The following FANCB variants were observed in gnomAD, a reference collection of about 807,000 sequenced individuals.
FANCB encodes the protein Fanconi anemia group B protein.
FANCB carries 5 observed loss-of-function variants against 38.9 expected under a neutral mutation model. The observed-to-expected ratio is 0.13, with a 90% CI of 0.07 to 0.27. The LOEUF is 0.27. FANCB is among the 10% of genes least tolerant of loss of function. The pLI, the probability that FANCB is intolerant of heterozygous loss-of-function variation, is 1.00. For missense variants in FANCB, 573 were observed against 602.7 expected (o/e 0.95, Z 0.52); for synonymous variants, 236 against 215.4 (o/e 1.10, Z -0.84).
intron 7 of FANCB, among the ~76,000 whole-genome samples, chrX:14,845,987 A>G (rs752609711): frequency 1.8e-5 from 2 of 111,963 alleles, no homozygotes; most frequent in Non-Finnish European, 3.8e-5. Context: ...CTCCTTTAAT[A>G]CAGGAATTTG....
intron 10 of FANCB, among the ~76,000 whole-genome samples, chrX:14,836,754 G>A (rs774308470): frequency 1.8e-5 from 2 of 111,341 alleles, no homozygotes; most frequent in African/African-American, 3.3e-5. Context: ...TCTTACAACC[G>A]CCCCCAACAT....
the FANCB span, among the ~76,000 whole-genome samples, chrX:14,709,505 A>G: frequency 8.9e-6 from 1 of 112,297 alleles, no homozygotes; most frequent in African/African-American, 3.2e-5. Flanking sequence ...TTGGAAATGC[A>G]CTACAGATAC....
chrX:14,697,441 T>G, the FANCB span, among the ~76,000 whole-genome samples: 2 of 111,963 alleles, frequency 1.8e-5, no homozygotes, highest in African/African-American at 6.5e-5. Flanking sequence ...GTGAACGAGT[T>G]CTCACCTTAA....
chrX:14,743,709 C>T, the FANCB span, among the ~76,000 whole-genome samples: 1 of 110,395 alleles, frequency 9.1e-6, no homozygotes, highest in African/African-American at 3.3e-5. Context: ...TATTCTCTCA[C>T]AATCCTGAAA....
At chrX:14,763,794 T>C in the FANCB span, among the ~76,000 whole-genome samples, 6 of 112,008 alleles carry the variant, frequency 5.4e-5, no homozygotes, top group Middle Eastern at 9.3e-3. Flanking sequence ...TAGCTCATCA[T>C]GCTGTGTGTT....
the FANCB span, among the ~76,000 whole-genome samples, chrX:14,819,560 A>T: frequency 9.0e-6 from 1 of 111,503 alleles, no homozygotes; most frequent in Non-Finnish European, 1.9e-5. Flanking sequence ...ACCTCAGAGG[A>T]ACCTGGTTTT....
the FANCB span, among the ~76,000 whole-genome samples, chrX:14,741,360 T>C: frequency 8.9e-6 from 1 of 111,857 alleles, no homozygotes; most frequent in African/African-American, 3.2e-5. Flanking sequence ...CACTGTAGTT[T>C]CAATGACTTT....
Position 14,843,458 on chromosome X carries a change from C to T in FANCB, c.*109G>A, listed in dbSNP as rs2092361239. The T allele has an allele frequency of 1.9e-6, 1 of 526,470 alleles. No homozygotes were observed. The highest frequency in any genetic ancestry group is 3.0e-6 in the Non-Finnish European group (1 of 328,047). 43.4% of individuals were successfully genotyped at this position (526,470 alleles called of 1,213,427 possible). ...ATCATCAAAACTAAAGTTTCTACTACAGTAAGCCTCGGTGTTTATTTTTAC... is the reference window on the plus strand; with the variant it reads ...ATCATCAAAACTAAAGTTTCTACTATAGTAAGCCTCGGTGTTTATTTTTAC... On this transcript the variant is annotated 3_prime_UTR_variant, in exon 10 of 10. Coordinates refer to ENST00000650831, the MANE Select transcript of FANCB (RefSeq NM_001018113.3).
At chrX:14,724,626 C>CAAAAAAAAAAAAAAAAAAAAAAAAAA in the FANCB span, among the ~76,000 whole-genome samples, 2 of 49,617 alleles carry the variant, frequency 4.0e-5, no homozygotes, top group African/African-American at 1.7e-4. Context: ...AACTCTGTCT[C>CAAAAAAAAAAAAAAAAAAAAAAAAAA]AAAAAAAAAA....
At chrX:14,799,930 T>TAATTTCC in the FANCB span, among the ~76,000 whole-genome samples, 1 of 111,974 alleles carries the variant, frequency 8.9e-6, no homozygotes, top group Non-Finnish European at 1.9e-5. Context: ...CAAAGTATGG[T>TAATTTCC]AAGTGTTGTC....
intron 5 of FANCB, among the ~76,000 whole-genome samples, chrX:14,857,502 AGT>A (rs981502630): frequency 2.7e-5 from 3 of 111,712 alleles, no homozygotes; most frequent in African/African-American, 9.8e-5. Context: ...AAAATATGAG[AGT>A]AAACTGTTCA....
At chrX:14,817,377 A>G in the FANCB span, among the ~76,000 whole-genome samples, 1 of 111,675 alleles carries the variant, frequency 9.0e-6, no homozygotes, top group African/African-American at 3.3e-5. Flanking sequence ...CGAAATGACC[A>G]ATTTCAGACA....
chrX:14,796,714 A>C, the FANCB span, among the ~76,000 whole-genome samples: 1 of 103,553 alleles, frequency 9.7e-6, no homozygotes, highest in South Asian at 4.2e-4. Flanking sequence ...ACACACACAC[A>C]CACATATACA....
downstream of FANCB, among the ~76,000 whole-genome samples, chrX:14,838,627 TG>T (rs370160785): frequency 1.0e-5 from 1 of 97,258 alleles, no homozygotes; most frequent in African/African-American, 5.5e-5. Context: ...ATAACCAAAT[TG>T]AGTCATTCTA....
intron 5 of FANCB, among the ~76,000 whole-genome samples, chrX:14,857,052 CAT>C (rs764764454): frequency 9.1e-4 from 102 of 111,652 alleles, no homozygotes; most frequent in African/African-American, 3.1e-3. Flanking sequence ...TGAAATATAA[CAT>C]GTGCAACTTT....
the FANCB span, among the ~76,000 whole-genome samples, chrX:14,706,549 T>G: frequency 1.8e-5 from 2 of 112,301 alleles, no homozygotes; most frequent in Non-Finnish European, 3.8e-5. Context: ...ATAGAGTAAT[T>G]TAACCCTATG....
At chrX:14,756,122 CA>C in the FANCB span, among the ~76,000 whole-genome samples, 9 of 112,100 alleles carry the variant, frequency 8.0e-5, no homozygotes, top group Non-Finnish European at 1.7e-4. Context: ...TGAATGTCCA[CA>C]TGCAGAAAAA....
At chrX:14,780,274 C>G in the FANCB span, among the ~76,000 whole-genome samples, 23 of 109,748 alleles carry the variant, frequency 2.1e-4, no homozygotes, top group Admixed American at 4.8e-4. Flanking sequence ...ATATTCCCTA[C>G]TATGTGTCAA....
chrX:14,719,069 C>T, the FANCB span, among the ~76,000 whole-genome samples: 1 of 111,891 alleles, frequency 8.9e-6, no homozygotes, highest in Non-Finnish European at 1.9e-5. Flanking sequence ...ATCCCTCCCA[C>T]GTGCAAAATA....
Sources: gnomAD v4.1 joint callset for allele counts (sites outside exome capture counted in the v4.1 genomes callset) on GRCh38, gnomAD v4.1.1 for gene constraint, MANE v1.5 for transcripts, NCBI Gene and HGNC (gene_info 2026-07-23, HGNC 2026-07-21) for gene names.